NOSTRIN: variants seen among roughly 807,000 people sequenced by gnomAD.
The protein encoded by NOSTRIN is nitric oxide synthase trafficking.
Under a neutral mutation model 59.0 loss-of-function variants are expected in NOSTRIN, and 63 were observed. That is an observed-to-expected ratio of 1.07 (90% CI 0.87 to 1.32). NOSTRIN has a LOEUF of 1.32. Among genes scored for constraint, NOSTRIN ranks in the 40% most tolerant of loss-of-function variants. The pLI, the probability that NOSTRIN is intolerant of heterozygous loss-of-function variation, is 0.00. For synonymous variants in NOSTRIN, 200 were observed against 165.4 expected, an observed-to-expected ratio of 1.21 and a Z score of -1.61; for missense variants, 512 against 473.1, an observed-to-expected ratio of 1.08 and a Z score of -0.76.
chr2:168,865,042 T>G lies in NOSTRIN; in HGVS notation c.*72T>G. 6.6e-7 allele frequency: 1 copy of G among 1,511,512 alleles called. No homozygotes were observed. The highest frequency in any genetic ancestry group is 9.0e-7 in the Non-Finnish European group (1 of 1,109,558). The allele number at this position is 1,511,512 out of a possible 1,614,324, so 93.6% of individuals were successfully genotyped here. A position where few individuals can be genotyped will look rare whatever the true frequency, so the allele number is the denominator to read the frequency against. ...CAGTGTGGTTCAAATAAGAATAAAG[T>G]GCTCTTACCTTTACATGTTTTTCTT... is the stretch of plus-strand genomic sequence containing the variant. On this transcript the variant is annotated 3_prime_UTR_variant, in exon 16 of 16. Coordinates refer to ENST00000317647, the MANE Select transcript of NOSTRIN (RefSeq NM_001039724.4).
chr2:168,830,877 A>G (rs1687322200), intron 5 of NOSTRIN, among the ~76,000 whole-genome samples: 1 of 152,216 alleles, frequency 6.6e-6, no homozygotes, highest in Non-Finnish European at 1.5e-5. Flanking sequence ...AGCTCATGCA[A>G]GGGCCTGTTA....
At chr2:168,806,495 T>C (rs1289623077) in intron 1 of NOSTRIN, among the ~76,000 whole-genome samples, 1 of 152,156 alleles carries the variant, frequency 6.6e-6, no homozygotes, top group Non-Finnish European at 1.5e-5. Flanking sequence ...CAGAATTTGC[T>C]TACAAGTGCT....
intron 11 of NOSTRIN, chr2:168,855,963 T>C (rs958591792): frequency 2.3e-6 from 1 of 442,210 alleles, no homozygotes; most frequent in South Asian, 1.6e-5. Flanking sequence ...GTGACTCTGA[T>C]GTCTACCTAG....
At chr2:168,845,749 G>C (rs776182218) in intron 8 of NOSTRIN, among the ~76,000 whole-genome samples, 26 of 149,670 alleles carry the variant, frequency 1.7e-4, no homozygotes, top group Middle Eastern at 3.5e-3. Flanking sequence ...TTCAACTTCA[G>C]CTCTAAAAAT....
upstream of NOSTRIN, among the ~76,000 whole-genome samples, chr2:168,794,501 G>A (rs756474487): frequency 2.7e-5 from 4 of 150,510 alleles, no homozygotes; most frequent in Admixed American, 6.6e-5. Flanking sequence ...ACAGGTGCCC[G>A]CCACCGCGCC....
At chr2:168,837,373 G>A (rs1222120060) in intron 7 of NOSTRIN, among the ~76,000 whole-genome samples, 5 of 134,346 alleles carry the variant, frequency 3.7e-5, no homozygotes, top group Admixed American at 1.6e-4. Context: ...GCAGTGGCGC[G>A]ATCTCGGCTT....
At chr2:168,809,183 G>A (rs1004679377) in intron 1 of NOSTRIN, among the ~76,000 whole-genome samples, 1 of 152,150 alleles carries the variant, frequency 6.6e-6, no homozygotes. Context: ...GGCTCGTGTG[G>A]TGTTCTTCAC....
intron 7 of NOSTRIN, among the ~76,000 whole-genome samples, chr2:168,839,639 C>T (rs771765578): frequency 2.0e-5 from 3 of 151,966 alleles, no homozygotes; most frequent in Non-Finnish European, 4.4e-5. Context: ...TACAGCCGGG[C>T]GCAGTGGCTC....
chr2:168,808,253 C>T (rs1218858401), intron 1 of NOSTRIN, among the ~76,000 whole-genome samples: 1 of 152,150 alleles, frequency 6.6e-6, no homozygotes, highest in Non-Finnish European at 1.5e-5. Flanking sequence ...GTCCAGGGTC[C>T]CTTGTTCTCT....
chr2:168,788,240 CA>C (rs5836201), intron 2 of NOSTRIN, among the ~76,000 whole-genome samples: 48,981 of 126,792 alleles, frequency 0.39, 9,838 homozygotes, highest in East Asian at 0.76. Flanking sequence ...GATCCTACCT[CA>C]AAAAAAAAAA....
intron 1 of NOSTRIN, among the ~76,000 whole-genome samples, chr2:168,787,600 C>A (rs554112353): frequency 6.6e-6 from 1 of 152,312 alleles, no homozygotes; most frequent in Admixed American, 6.5e-5. Context: ...AAGGCCTTAC[C>A]TTTTATAGCT....
chr2:168,807,984 G>C (rs942766586), intron 1 of NOSTRIN, among the ~76,000 whole-genome samples: 1 of 152,160 alleles, frequency 6.6e-6, no homozygotes. Flanking sequence ...TTTGCCACAG[G>C]CTTCACCACT....
intron 11 of NOSTRIN, chr2:168,855,829 G>T: frequency 2.3e-6 from 1 of 439,744 alleles, no homozygotes; most frequent in Admixed American, 2.7e-5. Flanking sequence ...TTTTTGGTTT[G>T]TTTCTTTTGA....
intron 5 of NOSTRIN, among the ~76,000 whole-genome samples, chr2:168,830,190 G>C (rs1687285581): frequency 6.6e-6 from 1 of 152,124 alleles, no homozygotes; most frequent in African/African-American, 2.4e-5. Context: ...TAATATGATA[G>C]TCATTAGCAT....
chr2:168,807,758 C>T (rs1208166475), intron 1 of NOSTRIN, among the ~76,000 whole-genome samples: 1 of 152,198 alleles, frequency 6.6e-6, no homozygotes. Flanking sequence ...GGCCAGTTCC[C>T]TCTTCCTGGA....
intron 15 of NOSTRIN, among the ~76,000 whole-genome samples, chr2:168,863,818 G>C (rs77644297): frequency 6.6e-6 from 1 of 152,126 alleles, no homozygotes; most frequent in East Asian, 1.9e-4. Flanking sequence ...CTCAAAGTAC[G>C]GACACCAAGA....
At chr2:168,827,020 G>A (rs1395751202) in intron 3 of NOSTRIN, among the ~76,000 whole-genome samples, 1 of 151,970 alleles carries the variant, frequency 6.6e-6, no homozygotes, top group Non-Finnish European at 1.5e-5. Flanking sequence ...CTTTGGATGT[G>A]CAGAAAATCT....
At chr2:168,797,757 C>T (rs904034823), upstream of NOSTRIN, among the ~76,000 whole-genome samples, 3 of 151,798 alleles carry the variant, frequency 2.0e-5, no homozygotes, top group African/African-American at 4.8e-5. Flanking sequence ...ACAGATGAAT[C>T]GCTGGAGTTC....
chr2:168,835,941 A>T (rs979858155), intron 7 of NOSTRIN, among the ~76,000 whole-genome samples: 1 of 152,254 alleles, frequency 6.6e-6, no homozygotes, highest in African/African-American at 2.4e-5. Context: ...TCCCAGATTG[A>T]AAACCTTTGA....
Sources: gnomAD v4.1 joint callset for allele counts (sites outside exome capture counted in the v4.1 genomes callset) on GRCh38, gnomAD v4.1.1 for gene constraint, MANE v1.5 for transcripts, NCBI Gene and HGNC (gene_info 2026-07-23, HGNC 2026-07-21) for gene names.